The following PLXDC2 variants were observed in gnomAD, a reference collection of about 807,000 sequenced individuals.
The protein encoded by PLXDC2 is plexin domain-containing protein 2.
In PLXDC2, 40 loss-of-function variants were observed where a neutral mutation model predicts 68.9. The observed-to-expected ratio is 0.58, with a 90% CI of 0.45 to 0.76. The LOEUF is 0.76. PLXDC2 is among the 30% of genes least tolerant of loss of function. The pLI is 0.00. For missense variants in PLXDC2, 644 were observed against 661.9 expected (o/e 0.97, Z 0.30); for synonymous variants, 243 against 234.2 (o/e 1.04, Z -0.34).
chr10:20,010,687 C>A (rs1835098180), intron 2 of PLXDC2, among the ~76,000 whole-genome samples: 1 of 152,104 alleles, frequency 6.6e-6, no homozygotes, highest in Non-Finnish European at 1.5e-5. Context: ...CTGCATTAGT[C>A]ATATAATTTA....
At chr10:20,136,574 G>A (rs2131781907) in intron 4 of PLXDC2, among the ~76,000 whole-genome samples, 1 of 152,298 alleles carries the variant, frequency 6.6e-6, no homozygotes. Flanking sequence ...TATAAGGTTA[G>A]TGAGAGATCA....
At chr10:20,057,950 G>A (rs1008031360) in intron 3 of PLXDC2, among the ~76,000 whole-genome samples, 2 of 151,784 alleles carry the variant, frequency 1.3e-5, no homozygotes, top group Non-Finnish European at 2.9e-5. Flanking sequence ...GGGGCTCTTT[G>A]TGTTATTTTT....
intron 1 of PLXDC2, among the ~76,000 whole-genome samples, chr10:19,827,133 G>A (rs1309499978): frequency 6.6e-6 from 1 of 152,106 alleles, no homozygotes; most frequent in Non-Finnish European, 1.5e-5. Flanking sequence ...GAATTTCTGG[G>A]TTATTGGGTT....
At chr10:20,032,921 T>C (rs964325726) in intron 2 of PLXDC2, among the ~76,000 whole-genome samples, 4 of 151,396 alleles carry the variant, frequency 2.6e-5, no homozygotes, top group South Asian at 2.1e-4. Flanking sequence ...ATTAATCATT[T>C]TCTTAGTTTT....
chr10:20,124,902 A>G (rs922349085), intron 4 of PLXDC2, among the ~76,000 whole-genome samples: 1 of 152,158 alleles, frequency 6.6e-6, no homozygotes, highest in South Asian at 2.1e-4. Context: ...CACAGGGAAT[A>G]TCATGGCTCA....
intron 4 of PLXDC2, chr10:20,091,759 G>A (rs1833279963): frequency 6.6e-6 from 1 of 152,148 alleles, no homozygotes; most frequent in Non-Finnish European, 1.5e-5. Context: ...AGGTCCTAGG[G>A]CCTCAGCTTG....
At chr10:20,216,575 T>C (rs1220156905) in intron 10 of PLXDC2, among the ~76,000 whole-genome samples, 1 of 152,198 alleles carries the variant, frequency 6.6e-6, no homozygotes, top group African/African-American at 2.4e-5. Flanking sequence ...TTAAGAATGA[T>C]ATTTATTTAA....
chr10:20,245,269 C>G, intron 12 of PLXDC2, 76 bp from the exon 13 acceptor site: 79 of 1,466,006 alleles, frequency 5.4e-5, no homozygotes, highest in Non-Finnish European at 7.1e-5. Context: ...ATTAAAAACA[C>G]AAATATCTCC....
At chr10:19,994,927 A>T (rs35851946) in intron 1 of PLXDC2, among the ~76,000 whole-genome samples, 24,491 of 151,764 alleles carry the variant, frequency 0.16, 2,410 homozygotes, top group Non-Finnish European at 0.23. Context: ...TATTTTTAGT[A>T]GAGACGGGGT....
chr10:20,161,127 T>A (rs1399008930), intron 6 of PLXDC2, among the ~76,000 whole-genome samples: 1 of 152,178 alleles, frequency 6.6e-6, no homozygotes, highest in Non-Finnish European at 1.5e-5. Context: ...TGCTGTGTAA[T>A]AAACCACCCC....
intron 1 of PLXDC2, among the ~76,000 whole-genome samples, chr10:19,847,078 CA>C (rs1398334142): frequency 6.6e-6 from 1 of 152,158 alleles, no homozygotes; most frequent in Non-Finnish European, 1.5e-5. Flanking sequence ...GTCCCTCCCA[CA>C]ACACTTGGGT....
intron 1 of PLXDC2, among the ~76,000 whole-genome samples, chr10:19,936,835 C>G (rs192748449): frequency 1.8e-4 from 28 of 152,308 alleles, no homozygotes; most frequent in Admixed American, 2.0e-4. Flanking sequence ...GTTTCCTCAT[C>G]TGCATTGAGG....
At chr10:19,992,300 T>C (rs969670690) in intron 1 of PLXDC2, among the ~76,000 whole-genome samples, 2 of 152,204 alleles carry the variant, frequency 1.3e-5, no homozygotes, top group Admixed American at 6.5e-5. Flanking sequence ...GGAAGTTACA[T>C]ACCTAAACAT....
intron 13 of PLXDC2, among the ~76,000 whole-genome samples, chr10:20,272,169 G>C (rs150614257): frequency 6.6e-5 from 10 of 152,082 alleles, no homozygotes; most frequent in Non-Finnish European, 1.2e-4. Context: ...TGGAGGATTT[G>C]CTAAAATGAG....
At chr10:19,983,237 G>A (rs1456692105) in intron 1 of PLXDC2, among the ~76,000 whole-genome samples, 1 of 152,128 alleles carries the variant, frequency 6.6e-6, no homozygotes, top group Non-Finnish European at 1.5e-5. Flanking sequence ...TCTGCAGTGA[G>A]TAACTGGTGA....
chr10:20,034,996 C>A (rs78019939), intron 2 of PLXDC2, among the ~76,000 whole-genome samples: 1 of 152,126 alleles, frequency 6.6e-6, no homozygotes, highest in Non-Finnish European at 1.5e-5. Context: ...TTAAGCAACC[C>A]ATGACTGTTT....
At chr10:19,861,453 C>T (rs1837318993) in intron 1 of PLXDC2, among the ~76,000 whole-genome samples, 1 of 152,128 alleles carries the variant, frequency 6.6e-6, no homozygotes, top group Non-Finnish European at 1.5e-5. Context: ...TTGCCACCCT[C>T]CTTGCTTAAA....
intron 1 of PLXDC2, among the ~76,000 whole-genome samples, chr10:19,863,753 G>A (rs1837362713): frequency 6.6e-6 from 1 of 152,184 alleles, no homozygotes; most frequent in African/African-American, 2.4e-5. Flanking sequence ...TAAGCTGTAT[G>A]TTGGATGAGA....
chr10:19,900,111 C>T (rs1184701993), intron 1 of PLXDC2, among the ~76,000 whole-genome samples: 9 of 152,162 alleles, frequency 5.9e-5, no homozygotes, highest in Admixed American at 5.9e-4. Flanking sequence ...TCCAAAGGCA[C>T]ATAGCCAGTG....
Sources: allele counts gnomAD v4.1 joint callset (sites outside exome capture counted in the v4.1 genomes callset), GRCh38; gene constraint gnomAD v4.1.1; transcripts MANE v1.5; gene names NCBI Gene and HGNC (gene_info 2026-07-23, HGNC 2026-07-21).